The following SGCD variants were observed in gnomAD, a reference collection of about 807,000 sequenced individuals.
SGCD encodes the protein delta-sarcoglycan.
SGCD carries 18 observed loss-of-function variants against 36.6 expected under a neutral mutation model. The ratio of observed to expected loss-of-function variants is 0.49; its 90% CI spans 0.34 to 0.73. The LOEUF (loss-of-function observed/expected upper bound fraction) is 0.73, where lower values mean the gene tolerates loss of function less well. Among genes scored for constraint, SGCD ranks in the 30% least tolerant of loss-of-function variants. The probability of loss-of-function intolerance (pLI) is 0.01; values close to 1 mark genes in which losing one functional copy is unlikely to be tolerated. For missense variants in SGCD, 387 were observed against 346.7 expected, an observed-to-expected ratio of 1.12 and a Z score of -0.92; for synonymous variants, 133 against 130.6, an observed-to-expected ratio of 1.02 and a Z score of -0.12.
intron 2 of SGCD, among the ~76,000 whole-genome samples, chr5:156,338,774 G>A (rs1486443436): frequency 1.3e-5 from 2 of 152,080 alleles, no homozygotes; most frequent in Admixed American, 6.6e-5. Flanking sequence ...ACTGGAGGTG[G>A]CTGCATGGTC....
chr5:156,531,043 A>G (rs1757867268), intron 4 of SGCD, among the ~76,000 whole-genome samples: 1 of 152,218 alleles, frequency 6.6e-6, no homozygotes. Context: ...TGATAGTATT[A>G]AGAGGCGGGG....
chr5:156,244,617 G>T (rs1765395416), intron 3 of SGCD, among the ~76,000 whole-genome samples: 2 of 152,096 alleles, frequency 1.3e-5, no homozygotes, highest in South Asian at 2.1e-4. Context: ...CAATATTTCT[G>T]TTAAGTTTGA....
intron 1 of SGCD, among the ~76,000 whole-genome samples, chr5:155,950,644 G>A (rs1757530952): frequency 6.6e-6 from 1 of 152,154 alleles, no homozygotes; most frequent in Non-Finnish European, 1.5e-5. Flanking sequence ...ACAAATGTCT[G>A]TACATCTCTC....
intron 3 of SGCD, among the ~76,000 whole-genome samples, chr5:156,398,178 T>C (rs1771966096): frequency 6.6e-6 from 1 of 152,128 alleles, no homozygotes; most frequent in Non-Finnish European, 1.5e-5. Context: ...AGTGATAGAG[T>C]TGTGGGTATT....
chr5:155,901,268 T>C (rs1161944931), intron 1 of SGCD, among the ~76,000 whole-genome samples: 21 of 149,676 alleles, frequency 1.4e-4, no homozygotes, highest in Non-Finnish European at 2.5e-4. Context: ...GCCGAGATAG[T>C]ACCACTGCAC....
the SGCD span, among the ~76,000 whole-genome samples, chr5:155,806,781 T>G: frequency 6.6e-6 from 1 of 152,156 alleles, no homozygotes; most frequent in Non-Finnish European, 1.5e-5. Context: ...AAATCCTGTG[T>G]TTTTTAGGCC....
At chr5:156,413,077 G>A (rs1772855955) in intron 3 of SGCD, among the ~76,000 whole-genome samples, 1 of 152,262 alleles carries the variant, frequency 6.6e-6, no homozygotes, top group East Asian at 1.9e-4. Flanking sequence ...GATTACAGGC[G>A]TGAGCCACCG....
intron 3 of SGCD, chr5:156,458,528 C>T: frequency 1.4e-6 from 2 of 1,455,146 alleles, no homozygotes; most frequent in Admixed American, 3.4e-5. Context: ...CCAGAATAGA[C>T]ACACCAGTGA....
intron 4 of SGCD, among the ~76,000 whole-genome samples, chr5:156,564,641 C>G (rs982650723): frequency 6.6e-6 from 1 of 152,068 alleles, no homozygotes; most frequent in Non-Finnish European, 1.5e-5. Context: ...TAAAAAATAA[C>G]TCCCCATTCC....
chr5:156,060,034 A>T (rs1760163364), intron 1 of SGCD, among the ~76,000 whole-genome samples: 1 of 146,862 alleles, frequency 6.8e-6, no homozygotes, highest in Non-Finnish European at 1.5e-5. Flanking sequence ...GATGCTCATA[A>T]GTCAGTGGAA....
intron 3 of SGCD, among the ~76,000 whole-genome samples, chr5:156,142,165 G>T (rs143117354): frequency 2.9e-4 from 44 of 152,240 alleles, no homozygotes; most frequent in African/African-American, 1.0e-3. Flanking sequence ...CCTTCCTCCT[G>T]CTCTGGTCAT....
At chr5:156,525,281 C>G (rs1757597447) in intron 4 of SGCD, among the ~76,000 whole-genome samples, 2 of 151,980 alleles carry the variant, frequency 1.3e-5, no homozygotes, top group Non-Finnish European at 2.9e-5. Flanking sequence ...AGGGTGAGGT[C>G]ATAACTAATT....
chr5:156,151,169 G>T (rs1457539272), intron 3 of SGCD, among the ~76,000 whole-genome samples: 15 of 151,582 alleles, frequency 9.9e-5, no homozygotes, highest in Non-Finnish European at 2.2e-4. Context: ...ACAGACACAA[G>T]AAATTCCTGC....
intron 3 of SGCD, among the ~76,000 whole-genome samples, chr5:156,500,352 A>G (rs985104338): frequency 6.6e-5 from 10 of 152,198 alleles, no homozygotes; most frequent in African/African-American, 2.2e-4. Context: ...AACAGTCAAA[A>G]ATCCCACCCC....
intron 7 of SGCD, among the ~76,000 whole-genome samples, chr5:156,657,786 G>A (rs1763753072): frequency 6.7e-6 from 1 of 148,434 alleles, no homozygotes; most frequent in African/African-American, 2.5e-5. Flanking sequence ...AAAAGACACA[G>A]AGACAAAGTA....
At chr5:156,661,381 G>T in intron 7 of SGCD, among the ~76,000 whole-genome samples, 1 of 111,100 alleles carries the variant, frequency 9.0e-6, no homozygotes, top group Non-Finnish European at 1.8e-5. Context: ...TTGAATAGCT[G>T]GTTTAACTGA....
intron 4 of SGCD, among the ~76,000 whole-genome samples, chr5:156,586,366 T>C (rs1422414077): frequency 1.3e-5 from 2 of 152,234 alleles, no homozygotes; most frequent in Non-Finnish European, 2.9e-5. Flanking sequence ...CAACATGATA[T>C]ACCAGTCTTG....
intron 6 of SGCD, among the ~76,000 whole-genome samples, chr5:156,596,306 C>T (rs531122625): frequency 3.3e-5 from 5 of 152,144 alleles, no homozygotes; most frequent in Non-Finnish European, 7.4e-5. Context: ...CTGTTTTTAA[C>T]CCAATTTCTA....
chr5:155,985,689 A>C (rs554393350), intron 1 of SGCD, among the ~76,000 whole-genome samples: 1 of 152,224 alleles, frequency 6.6e-6, no homozygotes, highest in Admixed American at 6.5e-5. Flanking sequence ...AGAATTTGGT[A>C]GATGGATTCC....
Sources: allele counts gnomAD v4.1 joint callset (sites outside exome capture counted in the v4.1 genomes callset), GRCh38; gene constraint gnomAD v4.1.1; transcripts MANE v1.5; gene names NCBI Gene and HGNC (gene_info 2026-07-23, HGNC 2026-07-21).